Variants in RNF216 observed in about 807,000 individuals in gnomAD.
RNF216 encodes the protein ring finger protein 216.
RNF216 carries 72 observed loss-of-function variants against 110.8 expected under a neutral mutation model. The observed-to-expected ratio is 0.65, with a 90% CI of 0.54 to 0.79. The LOEUF is 0.79. RNF216 is among the 30% of genes least tolerant of loss of function. The pLI is 0.00. For synonymous variants in RNF216, 495 were observed against 407.5 expected (o/e 1.21, Z -2.59); for missense variants, 1,342 against 1,141.2 (o/e 1.18, Z -2.54).
chr7:5,658,568 G>T (rs1489343490), intron 13 of RNF216, among the ~76,000 whole-genome samples: 1 of 150,194 alleles, frequency 6.7e-6, no homozygotes, highest in Middle Eastern at 3.4e-3. Context: ...TGAGGGGGAG[G>T]ATTTCTTGAG....
rs76510211 is a variant in RNF216 at position 5,651,595 on chromosome 7, G to C, written c.2159+818C>G. Reference sequence around the variant, plus strand: ...CACCCTCAGCTGCATGGTAAGGCTAGATTGTTATGAGAGAAGAGAAAGAGA... The same window carrying C: ...CACCCTCAGCTGCATGGTAAGGCTACATTGTTATGAGAGAAGAGAAAGAGA... On this transcript the variant is annotated intron_variant, in intron 14 of 16. Transcript: ENST00000389902. 9.1e-4 allele frequency among the ~76,000 whole-genome samples: 139 copies of C among 152,112 alleles called. 3 individuals are homozygous for C. In the East Asian group the frequency reaches 0.025, roughly 27 times the overall value.
rs780148312 is a variant in RNF216 at position 5,741,158 on chromosome 7, G to C, written c.859C>G (p.Pro287Ala). 2 of 1,613,932 alleles carry C rather than the reference G, an allele frequency of 1.2e-6. No individual in the cohort carries two copies. Among genetic ancestry groups the C allele is most frequent in the African/African-American group, 2.7e-5 (2 of 74,874 alleles). ...PEPQQGGISGPSSPQPAHPLG... is the reference protein window; with the variant it reads ...PEPQQGGISGASSPQPAHPLG... ...GGATGGGCAGGCTGAGGAGAAGAGG[G>C]GCCTGAAATCCCACCTTGCTGGGGT... The change falls in exon 4 of 17, where the codon CCC becomes GCC. Residue 287 changes from proline (P) to alanine (A), a missense_variant. Physicochemically the swap from Pro to Ala is conservative, Grantham distance 27. Coordinates refer to ENST00000389902, the MANE Select transcript of RNF216 (RefSeq NM_207111.4).
At position 5,741,742 on chromosome 7, in the gene RNF216, C is replaced by G; in HGVS notation, c.275G>C (p.Gly92Ala). Residue 92 changes from glycine (G) to alanine (A), a missense_variant, in exon 4 of 17, where the codon GGA becomes GCA. Coordinates refer to ENST00000389902, the MANE Select transcript of RNF216 (RefSeq NM_207111.4). ...TCTAGACTTTTTAGGCCTTTCTTCT[C>G]CCAACCTTTTCAGATCTTGCCACTG... Reference protein sequence around the residue: ...AAQWQDLKRLGEERPKKSRAA... With the variant: ...AAQWQDLKRLAEERPKKSRAA... 2.5e-6 allele frequency: 4 copies of G among 1,614,190 alleles called. No homozygotes were observed. The highest frequency in any genetic ancestry group is 3.4e-6 in the Non-Finnish European group (4 of 1,180,048).
intron 2 of RNF216, among the ~76,000 whole-genome samples, chr7:5,758,084 C>A (rs760709894): frequency 6.6e-6 from 1 of 151,980 alleles, no homozygotes; most frequent in Non-Finnish European, 1.5e-5. Context: ...TATACATACT[C>A]GTCTAACAAA....
chr7:5,686,523 G>C (rs1484666806), intron 13 of RNF216, among the ~76,000 whole-genome samples: 1 of 152,196 alleles, frequency 6.6e-6, no homozygotes, highest in Non-Finnish European at 1.5e-5. Context: ...AGTGCCTTTA[G>C]GAAAGCTGAG....
intron 11 of RNF216, among the ~76,000 whole-genome samples, chr7:5,713,665 C>T (rs1584496793): frequency 1.3e-5 from 2 of 152,214 alleles, no homozygotes; most frequent in African/African-American, 4.8e-5. Flanking sequence ...AGCTTTCAAA[C>T]AGCTCTTTAA....
chr7:5,728,259 T>C (rs542990240), intron 7 of RNF216, among the ~76,000 whole-genome samples: 4 of 152,234 alleles, frequency 2.6e-5, no homozygotes, highest in South Asian at 4.1e-4. Flanking sequence ...CGTTTTACCC[T>C]TTCAAAGCCC....
At chr7:5,654,286 T>C (rs1369660765) in intron 13 of RNF216, among the ~76,000 whole-genome samples, 1 of 152,032 alleles carries the variant, frequency 6.6e-6, no homozygotes, top group Non-Finnish European at 1.5e-5. Context: ...TTTTATACTA[T>C]ATGTGTACTA....
chr7:5,661,598 T>C (rs1268384404), intron 13 of RNF216, among the ~76,000 whole-genome samples: 1 of 151,218 alleles, frequency 6.6e-6, no homozygotes, highest in African/African-American at 2.4e-5. Context: ...AGGTCAGGAG[T>C]TTGAGACCAG....
intron 5 of RNF216, among the ~76,000 whole-genome samples, chr7:5,736,583 C>T (rs1357028534): frequency 2.0e-5 from 3 of 151,822 alleles, no homozygotes; most frequent in African/African-American, 4.8e-5. Flanking sequence ...GGCCGCCCAT[C>T]GTCTGGGATA....
At chr7:5,742,492 T>C (rs57001326) in intron 3 of RNF216, among the ~76,000 whole-genome samples, 186 of 149,838 alleles carry the variant, frequency 1.2e-3, no homozygotes, top group African/African-American at 4.3e-3. Flanking sequence ...ACTAGCAAAA[T>C]GAAAAATTAA....
intron 16 of RNF216, 67 bp downstream of exon 16, chr7:5,623,989 G>C: frequency 7.2e-7 from 1 of 1,386,944 alleles, no homozygotes; most frequent in South Asian, 1.2e-5. Flanking sequence ...GACACTCAGG[G>C]AGGCCAGCAG....
chr7:5,711,634 T>C (rs931383150), intron 13 of RNF216, 127 bp downstream of exon 13: 1 of 746,102 alleles, frequency 1.3e-6, no homozygotes, highest in Non-Finnish European at 2.3e-6. Flanking sequence ...CATTTGCTTA[T>C]GAAAAGGAAA....
intron 14 of RNF216, among the ~76,000 whole-genome samples, chr7:5,651,513 T>C (rs1052409284): frequency 6.6e-6 from 1 of 152,168 alleles, no homozygotes; most frequent in African/African-American, 2.4e-5. Flanking sequence ...ATTACAGGCC[T>C]GAGCTACCCT....
intron 13 of RNF216, among the ~76,000 whole-genome samples, chr7:5,673,944 T>C (rs1392178584): frequency 6.8e-6 from 1 of 148,130 alleles, no homozygotes; most frequent in Non-Finnish European, 1.5e-5. Flanking sequence ...CACTGCAACA[T>C]CTGCCTCTTG....
chr7:5,629,890 GAGGCCT>G (rs1786964026), intron 15 of RNF216, among the ~76,000 whole-genome samples: 1 of 149,840 alleles, frequency 6.7e-6, no homozygotes, highest in Non-Finnish European at 1.5e-5. Flanking sequence ...GGTTAAACAT[GAGGCCT>G]AGTCCCTCAT....
chr7:5,750,705 A>G (rs1475891614), intron 3 of RNF216, among the ~76,000 whole-genome samples: 1 of 152,166 alleles, frequency 6.6e-6, no homozygotes, highest in African/African-American at 2.4e-5. Flanking sequence ...ACAACAGCAA[A>G]CCACATTGGA....
At chr7:5,665,008 G>C (rs950580858) in intron 13 of RNF216, among the ~76,000 whole-genome samples, 3 of 152,142 alleles carry the variant, frequency 2.0e-5, no homozygotes, top group Admixed American at 6.5e-5. Context: ...ACGTTGGCCA[G>C]GCTGGTCTTG....
At position 5,620,948 on chromosome 7, in the gene RNF216, G is replaced by A. The variant is rs969905151; in HGVS notation, c.*1912C>T. 2.8e-4 allele frequency: 43 copies of A among 152,216 alleles called. No homozygotes were observed. Among genetic ancestry groups the A allele is most frequent in the African/African-American group, 8.4e-4 (35 of 41,432 alleles). 9.4% of individuals were successfully genotyped at this position (152,216 alleles called of 1,614,324 possible). A position where few individuals can be genotyped will look rare whatever the true frequency, so the allele number is the denominator to read the frequency against. On this transcript the variant is annotated 3_prime_UTR_variant, in exon 17 of 17. Transcript: ENST00000389902. Reference sequence around the variant, plus strand: ...GCACAGGGAGCATATTTAAGGTACCGAAGACAATCCTGTTGCTGCCGCATG... The same window carrying A: ...GCACAGGGAGCATATTTAAGGTACCAAAGACAATCCTGTTGCTGCCGCATG...
Sources: allele counts gnomAD v4.1 joint callset (sites outside exome capture counted in the v4.1 genomes callset), GRCh38; gene constraint gnomAD v4.1.1; transcripts MANE v1.5; gene names NCBI Gene and HGNC (gene_info 2026-07-23, HGNC 2026-07-21).